The following HTR4 variants were observed in gnomAD, a reference collection of about 807,000 sequenced individuals.
HTR4 encodes the protein 5-hydroxytryptamine receptor 4.
Under a neutral mutation model 36.8 loss-of-function variants are expected in HTR4, and 16 were observed. That is an observed-to-expected ratio of 0.43 (90% CI 0.29 to 0.66). The LOEUF is 0.66. Among genes scored for constraint, HTR4 ranks in the 30% least tolerant of loss-of-function variants. The pLI, the probability that HTR4 is intolerant of heterozygous loss-of-function variation, is 0.13. For synonymous variants in HTR4, 189 were observed against 185.1 expected, an observed-to-expected ratio of 1.02 and a Z score of -0.17; for missense variants, 438 against 490.9, an observed-to-expected ratio of 0.89 and a Z score of 1.02.
At chr5:148,649,452 GAA>G (rs1316684398) in intron 1 of HTR4, among the ~76,000 whole-genome samples, 1 of 152,138 alleles carries the variant, frequency 6.6e-6, no homozygotes, top group East Asian at 1.9e-4. Context: ...GAAAGGGGAA[GAA>G]ATACAAACTC....
At chr5:148,456,038 A>G (rs922178923) in intron 5 of HTR4, among the ~76,000 whole-genome samples, 1 of 152,060 alleles carries the variant, frequency 6.6e-6, no homozygotes, top group African/African-American at 2.4e-5. Context: ...TCAAGGCTCA[A>G]CTGTACAACA....
At chr5:148,465,612 G>A (rs1048163295) in intron 5 of HTR4, among the ~76,000 whole-genome samples, 1 of 152,066 alleles carries the variant, frequency 6.6e-6, no homozygotes, top group Non-Finnish European at 1.5e-5. Flanking sequence ...GGCTTGTGAA[G>A]GCCGTGCTCC....
chr5:148,627,142 G>A (rs555992982), intron 2 of HTR4, among the ~76,000 whole-genome samples: 1 of 152,134 alleles, frequency 6.6e-6, no homozygotes, highest in South Asian at 2.1e-4. Flanking sequence ...TACTGTCACC[G>A]TTTCCTCAGG....
intron 1 of HTR4, among the ~76,000 whole-genome samples, chr5:148,648,074 A>C (rs751854373): frequency 6.6e-6 from 1 of 152,226 alleles, no homozygotes; most frequent in Non-Finnish European, 1.5e-5. Context: ...ACTGTGGTAA[A>C]ATGATAATTA....
At chr5:148,457,377 G>A (rs1028902580) in intron 5 of HTR4, among the ~76,000 whole-genome samples, 1 of 151,906 alleles carries the variant, frequency 6.6e-6, no homozygotes, top group African/African-American at 2.4e-5. Flanking sequence ...CAAACATGAC[G>A]GGAGCCACAT....
At chr5:148,459,679 T>G (rs564149241) in intron 5 of HTR4, among the ~76,000 whole-genome samples, 1 of 152,230 alleles carries the variant, frequency 6.6e-6, no homozygotes, top group East Asian at 1.9e-4. Context: ...TAAAGTGTCT[T>G]TACCAAAGAC....
At chr5:148,637,751 TCCACAAAATCAA>T (rs1753596290) in intron 1 of HTR4, among the ~76,000 whole-genome samples, 2 of 152,288 alleles carry the variant, frequency 1.3e-5, no homozygotes, top group Admixed American at 6.5e-5. Flanking sequence ...TTCACTGATC[TCCACAAAATCAA>T]CCCTCTTTAC....
At chr5:148,579,467 A>G (rs1437076512) in intron 2 of HTR4, among the ~76,000 whole-genome samples, 1 of 152,086 alleles carries the variant, frequency 6.6e-6, no homozygotes, top group Non-Finnish European at 1.5e-5. Context: ...TGGGTTAGGC[A>G]TGTGGCCCAA....
At chr5:148,483,384 T>C in intron 6 of HTR4, 91 bp from the exon 7 acceptor site, 1 of 1,141,430 alleles carries the variant, frequency 8.8e-7, no homozygotes, top group Non-Finnish European at 1.3e-6. Flanking sequence ...GCAGGAACAC[T>C]CTGTGCCATG....
At chr5:148,556,271 G>A (rs1433369944) in intron 2 of HTR4, among the ~76,000 whole-genome samples, 7 of 152,146 alleles carry the variant, frequency 4.6e-5, no homozygotes, top group South Asian at 2.1e-4. Context: ...TGATCTGCCC[G>A]CCTCGGCCTC....
At position 148,519,832 on chromosome 5, in the gene HTR4, T is replaced by TA. The variant is rs1309817478; in HGVS notation, c.507+3360dup. On this transcript the variant is annotated intron_variant, in intron 5 of 6. Transcript: ENST00000377888. ...GCTTTTTGATGGTGATTTCATGGTTTAAAATGGACCCTAAGTGTACTGCTG... is the reference window on the plus strand; with the variant it reads ...GCTTTTTGATGGTGATTTCATGGTTTAAAAATGGACCCTAAGTGTACTGCTG... Among the ~76,000 whole-genome samples, 4 of 152,306 alleles carry TA rather than the reference T, an allele frequency of 2.6e-5. No homozygotes were observed. The East Asian group carries it at 7.7e-4, about 29-fold the overall frequency.
At chr5:148,562,476 T>G (rs1028450191) in intron 2 of HTR4, among the ~76,000 whole-genome samples, 1 of 152,142 alleles carries the variant, frequency 6.6e-6, no homozygotes, top group African/African-American at 2.4e-5. Context: ...TGCTCATTTT[T>G]TTCTTCTCCT....
intron 4 of HTR4, among the ~76,000 whole-genome samples, chr5:148,539,613 T>A (rs1459427711): frequency 6.6e-6 from 1 of 151,960 alleles, no homozygotes; most frequent in Non-Finnish European, 1.5e-5. Context: ...AACAAGCATA[T>A]AAAAAAGAGC....
chr5:148,585,236 G>A (rs1430628851), intron 2 of HTR4, among the ~76,000 whole-genome samples: 2 of 152,096 alleles, frequency 1.3e-5, no homozygotes, highest in African/African-American at 4.8e-5. Flanking sequence ...ATCTCTCTCT[G>A]CAATTATCTG....
At position 148,482,663 on chromosome 5, in the gene HTR4, G is replaced by T; in HGVS notation, c.*540C>A. 1 of 991,904 alleles carries T rather than the reference G, an allele frequency of 1.0e-6. No homozygotes were observed. Among genetic ancestry groups the T allele is most frequent in the Non-Finnish European group, 1.2e-6 (1 of 833,198 alleles). 61.4% of individuals were successfully genotyped at this position (991,904 alleles called of 1,614,324 possible). ...GACACAGGGAGAAAAGTGTGTTAGCGTCTGGCACAGAACAGGGCGAAGAAG... is the reference window on the plus strand; with the variant it reads ...GACACAGGGAGAAAAGTGTGTTAGCTTCTGGCACAGAACAGGGCGAAGAAG... On this transcript the variant is annotated 3_prime_UTR_variant, in exon 7 of 7. Transcript: ENST00000377888.
chr5:148,556,905 G>C (rs2113860159), intron 2 of HTR4, among the ~76,000 whole-genome samples: 1 of 152,310 alleles, frequency 6.6e-6, no homozygotes. Context: ...ACTGAGTTCT[G>C]ATGTATGCAG....
At chr5:148,603,540 G>A (rs1365639103) in intron 2 of HTR4, among the ~76,000 whole-genome samples, 1 of 151,822 alleles carries the variant, frequency 6.6e-6, no homozygotes, top group Non-Finnish European at 1.5e-5. Context: ...AGTATGATGA[G>A]GTAAGAAAAC....
At chr5:148,646,015 AG>A (rs1753868965) in intron 1 of HTR4, 1 of 152,270 alleles carries the variant, frequency 6.6e-6, no homozygotes, top group Non-Finnish European at 1.5e-5. Flanking sequence ...CTTTACAACT[AG>A]TATTTTGAAT....
At chr5:148,586,312 T>C (rs1285559347) in intron 2 of HTR4, among the ~76,000 whole-genome samples, 1 of 152,098 alleles carries the variant, frequency 6.6e-6, no homozygotes, top group South Asian at 2.1e-4. Flanking sequence ...ATTTGTGAGC[T>C]ATACTTGGCA....
Sources: gnomAD v4.1 joint callset for allele counts (sites outside exome capture counted in the v4.1 genomes callset) on GRCh38, gnomAD v4.1.1 for gene constraint, MANE v1.5 for transcripts, NCBI Gene and HGNC (gene_info 2026-07-23, HGNC 2026-07-21) for gene names.